FBXL17: variants seen among roughly 807,000 people sequenced by gnomAD.
FBXL17 encodes the protein F-box/LRR-repeat protein 17.
FBXL17 carries 22 observed loss-of-function variants against 66.2 expected under a neutral mutation model. The observed-to-expected ratio is 0.33, with a 90% confidence interval of 0.24 to 0.47. FBXL17 has a LOEUF of 0.47. Ranked by LOEUF, FBXL17 falls within the 20% of genes least tolerant of loss-of-function variation. The pLI is 1.00. For synonymous variants in FBXL17, 474 were observed against 400.5 expected, an observed-to-expected ratio of 1.18 and a Z score of -2.19; for missense variants, 878 against 948.2, an observed-to-expected ratio of 0.93 and a Z score of 0.97.
intron 6 of FBXL17, among the ~76,000 whole-genome samples, chr5:108,164,857 ACTACAGTATTCTG>A (rs994585373): frequency 5.9e-5 from 9 of 152,316 alleles, no homozygotes; most frequent in African/African-American, 2.2e-4. Context: ...GCTCGTATCT[ACTACAGTATTCTG>A]CCCCTTAGTG....
At chr5:108,082,943 G>A (rs1322946288) in intron 6 of FBXL17, among the ~76,000 whole-genome samples, 1 of 152,046 alleles carries the variant, frequency 6.6e-6, no homozygotes, top group African/African-American at 2.4e-5. Flanking sequence ...TTAAAGAAAT[G>A]TACTTTTCAA....
intron 7 of FBXL17, among the ~76,000 whole-genome samples, chr5:107,919,127 C>T (rs553126069): frequency 6.6e-6 from 1 of 151,576 alleles, no homozygotes; most frequent in East Asian, 1.9e-4. Context: ...CGCACTGAGT[C>T]AAAAAAAGAA....
At chr5:108,299,758 A>T in intron 4 of FBXL17, 1 of 985,092 alleles carries the variant, frequency 1.0e-6, no homozygotes, top group Non-Finnish European at 1.2e-6. Context: ...TGATTGAAGC[A>T]GTGCATGTGA....
At chr5:107,873,107 T>A (rs1269504046) in intron 8 of FBXL17, among the ~76,000 whole-genome samples, 1 of 152,200 alleles carries the variant, frequency 6.6e-6, no homozygotes, top group African/African-American at 2.4e-5. Context: ...GGAAAACTGT[T>A]CCTGGACAAT....
At chr5:107,932,363 G>A (rs557423797) in intron 7 of FBXL17, among the ~76,000 whole-genome samples, 3 of 152,122 alleles carry the variant, frequency 2.0e-5, no homozygotes, top group Admixed American at 6.5e-5. Context: ...TAAAGAATAC[G>A]TTGGTGTTTA....
At position 108,381,085 on chromosome 5, in the gene FBXL17, C is replaced by A; in HGVS notation, c.607G>T (p.Gly203Trp). Residue 203 changes from glycine to tryptophan, a missense_variant, in exon 1 of 9, where the codon GGG becomes TGG. By Grantham distance (184) the Gly-to-Trp change is radical. Around this residue, in one of 4 missense-constraint regions of FBXL17, gnomAD observed 605 missense variants for 509.5 expected, o/e 1.19. Transcript: ENST00000542267. The stretch of plus-strand genomic sequence containing the variant: ...TTGCAGGGGGTGCAGGCGGGGACCC[C>A]GGCCCCCTTCCGCTTGCACACCATT... ...PEMVCKRKGAGVPACTPCKQP... is the reference protein window; with the variant it reads ...PEMVCKRKGAWVPACTPCKQP... 9 of 1,265,482 alleles carry A rather than the reference C, an allele frequency of 7.1e-6. No individual in the cohort carries two copies. Among genetic ancestry groups the A allele is most frequent in the African/African-American group, 1.6e-5 (1 of 64,310 alleles). The allele number at this position is 1,265,482 out of a possible 1,614,324, so 78.4% of individuals were successfully genotyped here.
rs1009727480 is a variant in FBXL17 at position 108,224,310 on chromosome 5, C to T, written c.1507-82G>A. The T allele has an allele frequency of 1.0e-4, 67 of 649,612 alleles. No homozygotes were observed. In the African/African-American group the frequency reaches 1.1e-3, roughly 11 times the overall value. 40.2% of individuals were successfully genotyped at this position (649,612 alleles called of 1,614,324 possible). On this transcript the variant is annotated intron_variant, in intron 4 of 8. Transcript: ENST00000542267. ...TTTGGCTCCTGAAAATCCTCTCAGC[C>T]CCACCTTGCATCATTACTATTTCCT...
intron 7 of FBXL17, among the ~76,000 whole-genome samples, chr5:107,992,868 G>A (rs537861684): frequency 6.6e-4 from 101 of 151,930 alleles, no homozygotes; most frequent in African/African-American, 2.1e-3. Context: ...CCATTACCCA[G>A]CATAACAATA....
chr5:108,368,657 A>T (rs1369585444), intron 1 of FBXL17, among the ~76,000 whole-genome samples: 1 of 152,164 alleles, frequency 6.6e-6, no homozygotes, highest in Non-Finnish European at 1.5e-5. Flanking sequence ...GGACAGAAAA[A>T]GACATTAATG....
intron 6 of FBXL17, among the ~76,000 whole-genome samples, chr5:108,046,054 C>A (rs1375017884): frequency 6.6e-6 from 1 of 152,138 alleles, no homozygotes; most frequent in Non-Finnish European, 1.5e-5. Context: ...GAGAGGAGTG[C>A]TGATGTCTCC....
chr5:108,371,422 T>C (rs576178416), intron 1 of FBXL17, among the ~76,000 whole-genome samples: 4 of 152,338 alleles, frequency 2.6e-5, no homozygotes, highest in East Asian at 3.9e-4. Context: ...TAAAGTTTTA[T>C]TGGCACACAA....
At chr5:108,007,690 G>T (rs570613702) in intron 7 of FBXL17, among the ~76,000 whole-genome samples, 31 of 151,972 alleles carry the variant, frequency 2.0e-4, no homozygotes, top group African/African-American at 7.0e-4. Flanking sequence ...CCACACTTAT[G>T]AACAATATTT....
intron 4 of FBXL17, among the ~76,000 whole-genome samples, chr5:108,310,054 T>A (rs900534669): frequency 1.3e-5 from 2 of 152,132 alleles, no homozygotes; most frequent in African/African-American, 2.4e-5. Flanking sequence ...TATTTAAGGT[T>A]TTTTAAAGGC....
chr5:108,007,972 C>G (rs1048051383), intron 7 of FBXL17, among the ~76,000 whole-genome samples: 4 of 152,102 alleles, frequency 2.6e-5, no homozygotes, highest in African/African-American at 9.7e-5. Flanking sequence ...CATATTCATG[C>G]GCATTCCCTG....
At chr5:108,154,603 A>AT (rs1345264194) in intron 6 of FBXL17, among the ~76,000 whole-genome samples, 47 of 92,830 alleles carry the variant, frequency 5.1e-4, no homozygotes, top group South Asian at 2.7e-3. Flanking sequence ...AAAAAAAAAA[A>AT]AAAATATATA....
At chr5:107,910,278 C>A (rs1749906747) in intron 7 of FBXL17, among the ~76,000 whole-genome samples, 1 of 152,120 alleles carries the variant, frequency 6.6e-6, no homozygotes, top group African/African-American at 2.4e-5. Flanking sequence ...AATTAAAAAT[C>A]TTTTAATCTT....
intron 7 of FBXL17, among the ~76,000 whole-genome samples, chr5:107,929,217 C>T (rs1475011373): frequency 6.6e-6 from 1 of 151,986 alleles, no homozygotes; most frequent in Admixed American, 6.6e-5. Context: ...ATGCCTTGTC[C>T]TTTTATTTCC....
chr5:108,176,893 C>T (rs761434709), intron 6 of FBXL17, among the ~76,000 whole-genome samples: 2 of 152,094 alleles, frequency 1.3e-5, no homozygotes, highest in African/African-American at 2.4e-5. Flanking sequence ...AAAACTTTGC[C>T]TGTTGTAGCA....
At chr5:108,371,829 TTA>T (rs1459214045) in intron 1 of FBXL17, among the ~76,000 whole-genome samples, 1 of 152,188 alleles carries the variant, frequency 6.6e-6, no homozygotes, top group African/African-American at 2.4e-5. Context: ...AGTGGAAGTG[TTA>T]TATAAATAAG....
Sources: allele counts gnomAD v4.1 joint callset (sites outside exome capture counted in the v4.1 genomes callset), GRCh38; gene constraint gnomAD v4.1.1; regional missense constraint gnomAD v4.1.1; transcripts MANE v1.5; gene names NCBI Gene and HGNC (gene_info 2026-07-23, HGNC 2026-07-21).